The following NCKAP1L variants were observed in gnomAD, a reference collection of about 807,000 sequenced individuals.
NCKAP1L encodes NCK associated protein 1 like, also known as nck-associated protein 1-like.
Under a neutral mutation model 139.2 loss-of-function variants are expected in NCKAP1L, and 53 were observed. That is an observed-to-expected ratio of 0.38 (90% CI 0.31 to 0.48). The LOEUF (loss-of-function observed/expected upper bound fraction) is 0.48. NCKAP1L is among the 20% of genes least tolerant of loss of function. NCKAP1L has a pLI of 0.98. For synonymous variants in NCKAP1L, 468 were observed against 499.7 expected (o/e 0.94, Z 0.85); for missense variants, 1,151 against 1,381.9 (o/e 0.83, Z 2.65).
intron 1 of NCKAP1L, among the ~76,000 whole-genome samples, chr12:54,498,246 C>G (rs1956766405): frequency 6.6e-6 from 1 of 152,130 alleles, no homozygotes; most frequent in Admixed American, 6.5e-5. Flanking sequence ...TGTTGATCCT[C>G]TACACTCTGA....
At chr12:54,504,853 C>G (rs1956827701) in intron 3 of NCKAP1L, among the ~76,000 whole-genome samples, 1 of 152,128 alleles carries the variant, frequency 6.6e-6, no homozygotes, top group Admixed American at 6.6e-5. Flanking sequence ...GGCAATAGAC[C>G]AACACATGTT....
At position 54,526,741 on chromosome 12, in the gene NCKAP1L, A is replaced by C. The variant is rs768185721; in HGVS notation, c.2370A>C (p.Thr790=). Reference sequence around the variant, plus strand: ...AACAGACAATCACCACACTCTACACAAACTGGTCAGTGTTGCTTAGGCTTT... The same window carrying C: ...AACAGACAATCACCACACTCTACACCAACTGGTCAGTGTTGCTTAGGCTTT... ...CGEQTITTLY[T]NWYLESLLRQ... is the part of the protein sequence containing the mutation. The change falls in exon 21 of 31, where the codon ACA becomes ACC. Residue 790 remains threonine (T), a synonymous_variant. Transcript: ENST00000293373. 6.2e-7 allele frequency: 1 copy of C among 1,613,382 alleles called. No individual in the cohort carries two copies. Among genetic ancestry groups the C allele is most frequent in the Non-Finnish European group, 8.5e-7 (1 of 1,179,520 alleles).
chr12:54,532,730 CT>C lies in NCKAP1L; in HGVS notation c.2862+481del, dbSNP rs560732282. On this transcript the variant is annotated intron_variant, in intron 26 of 30. Transcript: ENST00000293373. ...TCTGGTTCCTCTATGTCTGTTTCAC[CT>C]GCCTCAGACCCCCATTTACTACAGG... is the stretch of plus-strand genomic sequence containing the variant. 1.1e-4 allele frequency among the ~76,000 whole-genome samples: 17 copies of C among 152,212 alleles called. No homozygotes were observed. The South Asian group carries it at 3.1e-3, about 28-fold the overall frequency.
At position 54,536,480 on chromosome 12, in the gene NCKAP1L, C is replaced by T. The variant is rs886621168; in HGVS notation, c.3073+235C>T. The T allele has an allele frequency of 1.8e-5, 7 of 390,842 alleles. 1 individual carries two copies. Among genetic ancestry groups the T allele is most frequent in the South Asian group, 1.6e-4 (6 of 37,980 alleles). The allele number at this position is 390,842 out of a possible 1,614,324, so 24.2% of individuals were successfully genotyped here. A position where few individuals can be genotyped will look rare whatever the true frequency, so the allele number is the denominator to read the frequency against. On this transcript the variant is annotated intron_variant, in intron 28 of 30. Transcript: ENST00000293373. The stretch of plus-strand genomic sequence containing the variant: ...ATGAGTTCCAGACCAGCCTAGGCAA[C>T]GTGGTGAAACCCTGTTTCTACAAAA...
rs1194069344 is a variant in NCKAP1L at position 54,544,236 on chromosome 12, A to G, written c.*1551A>G. ...TCAGTGTCAGGCTTATGAGACTGAG[A>G]GTAAAGTTGATGAGGAAGAGGAGGC... On this transcript the variant is annotated 3_prime_UTR_variant, in exon 31 of 31. Coordinates refer to ENST00000293373, the MANE Select transcript of NCKAP1L (RefSeq NM_005337.5). 1 of 152,158 alleles carries G rather than the reference A, an allele frequency of 6.6e-6. No homozygotes were observed. The highest frequency in any genetic ancestry group is 1.5e-5 in the Non-Finnish European group (1 of 68,046). 9.4% of individuals were successfully genotyped at this position (152,158 alleles called of 1,614,324 possible).
chr12:54,524,990 G>A (rs532677874), intron 20 of NCKAP1L, among the ~76,000 whole-genome samples: 32 of 152,278 alleles, frequency 2.1e-4, no homozygotes, highest in Admixed American at 7.8e-4. Flanking sequence ...AGAGGAAACA[G>A]CAAGTGCAAA....
chr12:54,502,761 T>C lies in NCKAP1L; in HGVS notation c.306+2136T>C, dbSNP rs527844686. On this transcript the variant is annotated intron_variant, in intron 3 of 30. Coordinates refer to ENST00000293373, the MANE Select transcript of NCKAP1L (RefSeq NM_005337.5). ...CAACACTTTGGGAGGCTGACGGGGA[T>C]GAATCGCTTGAGCCCAGGAGTTTGA... is the stretch of plus-strand genomic sequence containing the variant. Among the ~76,000 whole-genome samples, 15 of 132,800 alleles carry C rather than the reference T, an allele frequency of 1.1e-4. No individual in the cohort carries two copies. The South Asian group carries it at 3.4e-3, about 30-fold the overall frequency. The allele number at this position is 132,800 out of a possible 152,430, so 87.1% of individuals were successfully genotyped here.
intron 15 of NCKAP1L, 53 bp from the exon 16 acceptor site, chr12:54,519,134 G>T: frequency 6.4e-7 from 1 of 1,555,746 alleles, no homozygotes; most frequent in Non-Finnish European, 8.7e-7. Flanking sequence ...CAAGGCTGGG[G>T]GCCTTTTTCA....
In NCKAP1L at chr12:54,507,837, T is replaced by G. The variant is rs755728722; in HGVS notation, c.307-16T>G. The G allele has an allele frequency of 6.2e-7, 1 of 1,612,548 alleles. No homozygotes were observed. The highest frequency in any genetic ancestry group is 8.5e-7 in the Non-Finnish European group (1 of 1,178,578). On this transcript the variant is annotated splice_polypyrimidine_tract_variant and intron_variant, in intron 3 of 30. Coordinates refer to ENST00000293373, the MANE Select transcript of NCKAP1L (RefSeq NM_005337.5). Reference sequence around the variant, plus strand: ...TTTGATTTTTTATTAATTCTTGTCTTCACTTCCACCCCCAGGATCATGTAT... The same window carrying G: ...TTTGATTTTTTATTAATTCTTGTCTGCACTTCCACCCCCAGGATCATGTAT...
chr12:54,506,045 G>T (rs547619191), intron 3 of NCKAP1L, among the ~76,000 whole-genome samples: 1 of 152,286 alleles, frequency 6.6e-6, no homozygotes, highest in Non-Finnish European at 1.5e-5. Flanking sequence ...CATTTGAGTT[G>T]TTTCTAGTTT....
chr12:54,527,558 T>C (rs1430018150), intron 21 of NCKAP1L, among the ~76,000 whole-genome samples: 1 of 152,248 alleles, frequency 6.6e-6, no homozygotes, highest in Non-Finnish European at 1.5e-5. Flanking sequence ...TTTCAAAATT[T>C]TGACAAAGAA....
rs776525166 is a variant in NCKAP1L, at chr12:54,518,921, T to C, written c.1428T>C (p.Asn476=). Reference sequence around the variant, plus strand: ...CTTCCGTTTTTCTTGCAGTTGATAATGGAGAAAAATTTGAATTCTCAGGAT... The same window carrying C: ...CTTCCGTTTTTCTTGCAGTTGATAACGGAGAAAAATTTGAATTCTCAGGAT... ...LSSLNLKQVD[N]GEKFEFSGLR... is the part of the protein sequence containing the mutation. Residue 476 remains asparagine (N), a synonymous_variant, in exon 15 of 31, where the codon AAT becomes AAC. Coordinates refer to ENST00000293373, the MANE Select transcript of NCKAP1L (RefSeq NM_005337.5). The C allele has an allele frequency of 3.7e-6, 6 of 1,613,832 alleles. No individual in the cohort carries two copies. The highest frequency in any genetic ancestry group is 4.2e-6 in the Non-Finnish European group (5 of 1,179,788).
chr12:54,542,994 G>A lies in NCKAP1L; in HGVS notation c.*309G>A, dbSNP rs1298328482. On this transcript the variant is annotated 3_prime_UTR_variant, in exon 31 of 31. Transcript: ENST00000293373. ...TATTTTCTATCTTCTGGTGACTTGA[G>A]CTTGAGCTCTGACAGGCATGGGCCT... The A allele has an allele frequency of 3.9e-6, 1 of 255,024 alleles. No individual in the cohort carries two copies. Among genetic ancestry groups the A allele is most frequent in the African/African-American group, 2.2e-5 (1 of 45,498 alleles). The allele number at this position is 255,024 out of a possible 1,614,324, so 15.8% of individuals were successfully genotyped here.
chr12:54,536,665 G>GA (rs1187492954), intron 28 of NCKAP1L: 4,246 of 232,786 alleles, frequency 0.018, no homozygotes, highest in Middle Eastern at 0.031. Flanking sequence ...TTTAAAAAAA[G>GA]AAAAAAAAAA....
intron 26 of NCKAP1L, among the ~76,000 whole-genome samples, chr12:54,534,480 T>C (rs1323498953): frequency 1.3e-5 from 2 of 152,194 alleles, no homozygotes; most frequent in African/African-American, 4.8e-5. Flanking sequence ...ATGCTGTGTG[T>C]GATCAATGCT....
intron 16 of NCKAP1L, among the ~76,000 whole-genome samples, 182 bp from the exon 17 acceptor site, chr12:54,520,512 A>C (rs1358757242): frequency 3.9e-5 from 6 of 152,224 alleles, no homozygotes; most frequent in Admixed American, 3.3e-4. Flanking sequence ...TTCTATCTTA[A>C]GGGTTACAGA....
chr12:54,512,248 C>A, intron 9 of NCKAP1L, 143 bp downstream of exon 9: 2 of 833,272 alleles, frequency 2.4e-6, no homozygotes, highest in Non-Finnish European at 3.6e-6. Context: ...TAAATACCTA[C>A]TATTAGCTAA....
intron 30 of NCKAP1L, among the ~76,000 whole-genome samples, chr12:54,541,258 C>T (rs1417062825): frequency 1.3e-5 from 2 of 152,158 alleles, no homozygotes; most frequent in African/African-American, 4.8e-5. Context: ...CAAGGTCTCC[C>T]CTAAAATATA....
At chr12:54,504,127 A>T (rs907380890) in intron 3 of NCKAP1L, among the ~76,000 whole-genome samples, 2 of 152,244 alleles carry the variant, frequency 1.3e-5, no homozygotes, top group African/African-American at 4.8e-5. Flanking sequence ...ATTATAGTTT[A>T]AAAAAGCTAG....
Sources: gnomAD v4.1 joint callset for allele counts (sites outside exome capture counted in the v4.1 genomes callset) on GRCh38, gnomAD v4.1.1 for gene constraint, MANE v1.5 for transcripts, NCBI Gene and HGNC (gene_info 2026-07-23, HGNC 2026-07-21) for gene names.